The following CHRM5 variants were observed in gnomAD, a reference collection of about 807,000 sequenced individuals.
The protein encoded by CHRM5 is muscarinic acetylcholine receptor M5.
Under a neutral mutation model 39.0 loss-of-function variants are expected in CHRM5, and 18 were observed. That is an observed-to-expected ratio of 0.46 (90% CI 0.32 to 0.68). The LOEUF (loss-of-function observed/expected upper bound fraction) is 0.68, where lower values mean the gene tolerates loss of function less well. Ranked by LOEUF, CHRM5 falls within the 30% of genes least tolerant of loss-of-function variation. The pLI is 0.04. For missense variants in CHRM5, 515 were observed against 651.1 expected (o/e 0.79, Z 2.28); for synonymous variants, 241 against 246.3 (o/e 0.98, Z 0.20).
chr15:33,973,445 A>G (rs955441376), intron 1 of CHRM5, among the ~76,000 whole-genome samples: 2 of 152,230 alleles, frequency 1.3e-5, no homozygotes, highest in Non-Finnish European at 2.9e-5. Flanking sequence ...CTCTACATGC[A>G]GTAACTTCTG....
chr15:34,055,786 GCAAGACTCTGTCACAAAAAATAAATA>G (rs1410678530), intron 2 of CHRM5, among the ~76,000 whole-genome samples: 1 of 152,124 alleles, frequency 6.6e-6, no homozygotes, highest in African/African-American at 2.4e-5. Flanking sequence ...GGGCGACGGA[GCAAGACTCTGTCACAAAAAATAAATA>G]AATAAATAAA....
At chr15:34,033,238 G>A (rs1898945956) in intron 1 of CHRM5, among the ~76,000 whole-genome samples, 1 of 152,174 alleles carries the variant, frequency 6.6e-6, no homozygotes, top group Non-Finnish European at 1.5e-5. Flanking sequence ...GGGCGCGGTG[G>A]CTCATGTCTG....
chr15:34,020,547 C>T (rs980943809), intron 1 of CHRM5, among the ~76,000 whole-genome samples: 1 of 152,152 alleles, frequency 6.6e-6, no homozygotes, highest in East Asian at 1.9e-4. Context: ...CAGAACATCC[C>T]CTCTTCTCAC....
chr15:33,981,615 T>G (rs1157836952), intron 1 of CHRM5, among the ~76,000 whole-genome samples: 1 of 151,664 alleles, frequency 6.6e-6, no homozygotes, highest in Non-Finnish European at 1.5e-5. Flanking sequence ...GGGGCGAGAG[T>G]GCAATATAAA....
rs1430310060 is a variant in CHRM5, at chr15:34,064,140, AC to A, written c.1426del (p.Leu476CysfsTer75). 1 of 1,614,090 alleles carries A rather than the reference AC, an allele frequency of 6.2e-7. No homozygotes were observed. Among genetic ancestry groups the A allele is most frequent in the East Asian group, 2.2e-5 (1 of 44,884 alleles). ...CTTCTGTGACAAGTGTGTCCCAGTC[AC>A]CCTGTGGCACTTGGGCTATTGGTTG... ...STFCDKCVPV[T>X]LWHLGYWLCY... On this transcript the variant is annotated frameshift_variant, in exon 3 of 3. Transcript: ENST00000383263. LOFTEE classifies it high-confidence loss of function.
rs1387258238 is a variant in CHRM5 at position 34,064,439 on chromosome 15, T to C, written c.*123T>C. On this transcript the variant is annotated 3_prime_UTR_variant, in exon 3 of 3. Coordinates refer to ENST00000383263, the MANE Select transcript of CHRM5 (RefSeq NM_012125.4). ...ATCTCATTTTGAGTCCTTGAAGATT[T>C]TTGTAAAGGCTCAAGTTTGGTTGCC... 8.1e-7 allele frequency: 1 copy of C among 1,238,680 alleles called. No individual in the cohort carries two copies. Among genetic ancestry groups the C allele is most frequent in the Non-Finnish European group, 1.1e-6 (1 of 908,200 alleles). The allele number at this position is 1,238,680 out of a possible 1,614,324, so 76.7% of individuals were successfully genotyped here.
intron 1 of CHRM5, among the ~76,000 whole-genome samples, chr15:34,045,873 A>C (rs2140814228): frequency 6.6e-6 from 1 of 152,332 alleles, no homozygotes; most frequent in Admixed American, 6.5e-5. Flanking sequence ...AGAGAACAAG[A>C]AACAATCGGC....
intron 1 of CHRM5, chr15:34,038,698 T>C (rs1237096975): frequency 3.7e-6 from 4 of 1,090,690 alleles, no homozygotes; most frequent in East Asian, 5.0e-5. Flanking sequence ...TGGCACGCTC[T>C]CTTGCGGCTC....
At chr15:34,050,019 C>G (rs1044768509) in intron 2 of CHRM5, among the ~76,000 whole-genome samples, 2 of 152,038 alleles carry the variant, frequency 1.3e-5, no homozygotes, top group Middle Eastern at 3.4e-3. Flanking sequence ...TCCCGAGTAG[C>G]TGGGACTACA....
intron 1 of CHRM5, among the ~76,000 whole-genome samples, chr15:34,026,085 A>G (rs553086242): frequency 4.6e-5 from 7 of 152,302 alleles, no homozygotes; most frequent in East Asian, 3.9e-4. Flanking sequence ...CATAATCCCT[A>G]TATTTTCTCT....
intron 1 of CHRM5, chr15:34,038,697 C>G (rs1176256620): frequency 1.7e-5 from 19 of 1,092,522 alleles, no homozygotes; most frequent in Non-Finnish European, 2.0e-5. Flanking sequence ...CTGGCACGCT[C>G]TCTTGCGGCT....
chr15:33,977,796 G>C (rs1350985650), intron 1 of CHRM5, among the ~76,000 whole-genome samples: 1 of 152,084 alleles, frequency 6.6e-6, no homozygotes, highest in African/African-American at 2.4e-5. Context: ...TTTCAGGCCA[G>C]GTGTGGTAGT....
At chr15:34,049,285 A>G (rs999139742) in intron 2 of CHRM5, among the ~76,000 whole-genome samples, 3 of 152,204 alleles carry the variant, frequency 2.0e-5, no homozygotes, top group Non-Finnish European at 2.9e-5. Context: ...TTGTAACCCA[A>G]TGCAAGGGAG....
chr15:34,060,209 G>A (rs1900289346), intron 2 of CHRM5, among the ~76,000 whole-genome samples: 1 of 152,088 alleles, frequency 6.6e-6, no homozygotes, highest in Admixed American at 6.6e-5. Flanking sequence ...ATAACACCGA[G>A]GTATTATAGG....
At chr15:34,057,448 G>C (rs1452208464) in intron 2 of CHRM5, among the ~76,000 whole-genome samples, 1 of 152,042 alleles carries the variant, frequency 6.6e-6, no homozygotes, top group East Asian at 1.9e-4. Flanking sequence ...AGCCAGAATA[G>C]TCATTTTGAT....
At chr15:33,979,702 A>G (rs907872600) in intron 1 of CHRM5, among the ~76,000 whole-genome samples, 1 of 152,234 alleles carries the variant, frequency 6.6e-6, no homozygotes, top group Non-Finnish European at 1.5e-5. Context: ...GAGAAAAAAG[A>G]CACCAATGGT....
rs1404691582 is a variant in CHRM5, at chr15:34,039,024, C to G, written c.-407-7516C>G. ...GCCTGGCCGCCGCCCACGGCCTCCC[C>G]GAGCTCCTCGCTCCGCCTGCATCTG... On this transcript the variant is annotated intron_variant, in intron 1 of 2. Coordinates refer to ENST00000383263, the MANE Select transcript of CHRM5 (RefSeq NM_012125.4). The G allele has an allele frequency of 8.0e-6, 9 of 1,122,738 alleles. No homozygotes were observed. Among genetic ancestry groups the G allele is most frequent in the Non-Finnish European group, 9.8e-6 (9 of 919,950 alleles). 69.5% of individuals were successfully genotyped at this position (1,122,738 alleles called of 1,614,324 possible). A position where few individuals can be genotyped will look rare whatever the true frequency, so the allele number is the denominator to read the frequency against.
At chr15:34,060,012 G>A (rs1464090453) in intron 2 of CHRM5, among the ~76,000 whole-genome samples, 1 of 152,190 alleles carries the variant, frequency 6.6e-6, no homozygotes, top group Non-Finnish European at 1.5e-5. Context: ...GAATAAAGGA[G>A]AAAGCGATTT....
chr15:34,003,051 AC>A, intron 1 of CHRM5: 1 of 1,613,900 alleles, frequency 6.2e-7, no homozygotes, highest in South Asian at 1.1e-5. Context: ...TAAGGAGGAC[AC>A]TGAAATCTGT....
Sources: allele counts gnomAD v4.1 joint callset (sites outside exome capture counted in the v4.1 genomes callset), GRCh38; gene constraint gnomAD v4.1.1; transcripts MANE v1.5; gene names NCBI Gene and HGNC (gene_info 2026-07-23, HGNC 2026-07-21).